CNTNAP5: variants seen among roughly 807,000 people sequenced by gnomAD.
The protein encoded by CNTNAP5 is contactin associated protein family member 5.
In CNTNAP5, 72 loss-of-function variants were observed where a neutral mutation model predicts 150.2. That is an observed-to-expected ratio of 0.48 (90% CI 0.40 to 0.58). The LOEUF (loss-of-function observed/expected upper bound fraction) is 0.58, where lower values mean the gene tolerates loss of function less well. Ranked by LOEUF, CNTNAP5 falls within the 20% of genes least tolerant of loss-of-function variation. The pLI is 0.00. For missense variants in CNTNAP5, 1,636 were observed against 1,626.2 expected (o/e 1.01, Z -0.10); for synonymous variants, 672 against 619.8 (o/e 1.08, Z -1.25).
At chr2:124,244,754 C>T (rs1686976009) in intron 3 of CNTNAP5, among the ~76,000 whole-genome samples, 2 of 152,064 alleles carry the variant, frequency 1.3e-5, no homozygotes, top group Admixed American at 6.6e-5. Flanking sequence ...ATAGGTGTCC[C>T]CTTAATTAAT....
At chr2:124,080,727 G>GCTCATT (rs1482005990) in intron 1 of CNTNAP5, among the ~76,000 whole-genome samples, 2 of 152,178 alleles carry the variant, frequency 1.3e-5, no homozygotes, top group Non-Finnish European at 2.9e-5. Flanking sequence ...TTTGCTGACT[G>GCTCATT]CTCATTCTTG....
intron 19 of CNTNAP5, among the ~76,000 whole-genome samples, chr2:124,847,063 G>A (rs955947586): frequency 6.6e-6 from 1 of 152,192 alleles, no homozygotes; most frequent in Non-Finnish European, 1.5e-5. Flanking sequence ...CCAGCCAGGA[G>A]AGGGCACTTT....
intron 1 of CNTNAP5, among the ~76,000 whole-genome samples, chr2:124,174,878 A>G (rs1172693884): frequency 1.3e-5 from 2 of 152,222 alleles, no homozygotes; most frequent in Non-Finnish European, 2.9e-5. Context: ...TGCCACAGCC[A>G]TCCTAATCTT....
chr2:124,782,560 T>A (rs1451668556), intron 17 of CNTNAP5, among the ~76,000 whole-genome samples: 1 of 152,170 alleles, frequency 6.6e-6, no homozygotes, highest in Non-Finnish European at 1.5e-5. Context: ...CCAATAAGTA[T>A]CCCAGGACTG....
chr2:124,537,759 C>G (rs1340377125), intron 10 of CNTNAP5, among the ~76,000 whole-genome samples: 1 of 152,154 alleles, frequency 6.6e-6, no homozygotes, highest in African/African-American at 2.4e-5. Flanking sequence ...AATAAGCGAC[C>G]TTGAACAAGT....
chr2:124,559,135 C>T (rs775604160), intron 10 of CNTNAP5, among the ~76,000 whole-genome samples: 44 of 152,228 alleles, frequency 2.9e-4, no homozygotes, highest in Non-Finnish European at 6.0e-4. Flanking sequence ...GGTCCATGGA[C>T]CACTCTAGAT....
chr2:124,221,470 A>G (rs1247434552), intron 1 of CNTNAP5, among the ~76,000 whole-genome samples: 1 of 152,090 alleles, frequency 6.6e-6, no homozygotes, highest in Non-Finnish European at 1.5e-5. Context: ...ACCTTGGACA[A>G]TCTGCTTGAC....
At chr2:124,635,028 A>G (rs1033441821) in intron 12 of CNTNAP5, among the ~76,000 whole-genome samples, 2 of 152,108 alleles carry the variant, frequency 1.3e-5, no homozygotes, top group Non-Finnish European at 2.9e-5. Flanking sequence ...ATTCCCCATT[A>G]CCAGTACCAA....
intron 1 of CNTNAP5, among the ~76,000 whole-genome samples, chr2:124,047,582 G>C (rs1208916145): frequency 6.6e-6 from 1 of 152,200 alleles, no homozygotes. Context: ...AAGTAGTAAG[G>C]CTGCAGCCCA....
chr2:124,695,793 T>C (rs1481556336), intron 13 of CNTNAP5, among the ~76,000 whole-genome samples: 1 of 152,086 alleles, frequency 6.6e-6, no homozygotes, highest in Middle Eastern at 3.2e-3. Context: ...ATACAGCAGG[T>C]GGAGAGAAGC....
chr2:124,526,191 GT>G (rs1558939997), intron 9 of CNTNAP5, among the ~76,000 whole-genome samples: 1 of 152,282 alleles, frequency 6.6e-6, no homozygotes, highest in East Asian at 1.9e-4. Context: ...GGGACCCTGG[GT>G]TTAGAAGGTG....
chr2:124,813,296 C>T (rs111989327), intron 19 of CNTNAP5, among the ~76,000 whole-genome samples: 6,830 of 151,898 alleles, frequency 0.045, 478 homozygotes, highest in African/African-American at 0.16. Flanking sequence ...CCAGGATGGT[C>T]TCGATCTCCT....
intron 1 of CNTNAP5, among the ~76,000 whole-genome samples, chr2:124,149,456 C>T (rs1331169546): frequency 7.1e-6 from 1 of 140,842 alleles, no homozygotes; most frequent in Non-Finnish European, 1.5e-5. Flanking sequence ...ATTCTGAGAT[C>T]AGTTGAAATG....
At position 124,418,184 on chromosome 2, in the gene CNTNAP5, C is replaced by T. The variant is rs530126433; in HGVS notation, c.529+594C>T. 2.0e-5 allele frequency among the ~76,000 whole-genome samples: 3 copies of T among 152,284 alleles called. No homozygotes were observed. The South Asian group carries it at 6.2e-4, about 32-fold the overall frequency. On this transcript the variant is annotated intron_variant, in intron 4 of 23. Coordinates refer to ENST00000682447, the MANE Select transcript of CNTNAP5 (RefSeq NM_001367498.1). ...AATTATTCAGGGAAGATTCCCATCC[C>T]TATAATTCTTTCCTGCGCGCTTTAT...
At chr2:124,596,846 A>G (rs1696837404) in intron 11 of CNTNAP5, among the ~76,000 whole-genome samples, 1 of 60,852 alleles carries the variant, frequency 1.6e-5, no homozygotes, top group African/African-American at 4.7e-5. Context: ...ATATATATTT[A>G]GGATAGTTAG....
intron 1 of CNTNAP5, among the ~76,000 whole-genome samples, chr2:124,142,379 C>G (rs1684137423): frequency 6.6e-6 from 1 of 151,410 alleles, no homozygotes; most frequent in African/African-American, 2.4e-5. Flanking sequence ...AAATTGACCA[C>G]ATAGTTGGAA....
At chr2:124,202,727 G>A (rs1482938669) in intron 1 of CNTNAP5, among the ~76,000 whole-genome samples, 1 of 152,094 alleles carries the variant, frequency 6.6e-6, no homozygotes, top group Non-Finnish European at 1.5e-5. Flanking sequence ...TGTTTGCAGG[G>A]GAACAGCCCT....
chr2:124,841,027 G>A (rs189486693), intron 19 of CNTNAP5, among the ~76,000 whole-genome samples: 1 of 152,188 alleles, frequency 6.6e-6, no homozygotes, highest in Admixed American at 6.5e-5. Context: ...AGATGCTGAG[G>A]ATGTGTTGTG....
At chr2:124,542,400 G>A (rs1244424498) in intron 10 of CNTNAP5, among the ~76,000 whole-genome samples, 1 of 151,462 alleles carries the variant, frequency 6.6e-6, no homozygotes, top group Non-Finnish European at 1.5e-5. Context: ...GAAGTTAATG[G>A]CACTGAGGGC....
Sources: allele counts gnomAD v4.1 joint callset (sites outside exome capture counted in the v4.1 genomes callset), GRCh38; gene constraint gnomAD v4.1.1; transcripts MANE v1.5; gene names NCBI Gene and HGNC (gene_info 2026-07-23, HGNC 2026-07-21).